Variants in ATP2A3 observed in about 807,000 individuals in gnomAD.
ATP2A3 encodes ATPase sarcoplasmic/endoplasmic reticulum Ca2+ transporting 3.
In ATP2A3, 61 loss-of-function variants were observed where a neutral mutation model predicts 106.8. That is an observed-to-expected ratio of 0.57 (90% CI 0.46 to 0.71). The LOEUF (loss-of-function observed/expected upper bound fraction) is 0.71, where lower values mean the gene tolerates loss of function less well. ATP2A3 is among the 30% of genes least tolerant of loss of function. The pLI, the probability that ATP2A3 is intolerant of heterozygous loss-of-function variation, is 0.00. For missense variants in ATP2A3, 1,201 were observed against 1,423.5 expected (o/e 0.84, Z 2.52); for synonymous variants, 611 against 609.3 (o/e 1.00, Z -0.04).
chr17:3,937,799 G>C (rs1192070648), intron 14 of ATP2A3, among the ~76,000 whole-genome samples, 163 bp from the exon 15 acceptor site: 1 of 152,208 alleles, frequency 6.6e-6, no homozygotes, highest in East Asian at 1.9e-4. Flanking sequence ...ATTGGGCAGA[G>C]GATGAGGCTG....
chr17:3,951,923 C>T lies in ATP2A3; in HGVS notation c.220-238G>A, dbSNP rs183355519. ...GCTGTGGGGCAGTTGGATGGCTGCC[C>T]ACCGAGGCCTTACTGTCTGCCTGGA... On this transcript the variant is annotated intron_variant, in intron 3 of 20. Transcript: ENST00000397041. Among the ~76,000 whole-genome samples the T allele has an allele frequency of 5.9e-5, 9 of 152,284 alleles. No individual in the cohort carries two copies. The East Asian group carries it at 1.7e-3, about 29-fold the overall frequency.
chr17:3,944,991 C>A lies in ATP2A3; in HGVS notation c.1184+69G>T, dbSNP rs893495685. The A allele has an allele frequency of 3.0e-6, 4 of 1,351,058 alleles. No individual in the cohort carries two copies. The African/African-American group carries it at 4.8e-5, about 16-fold the overall frequency. 83.7% of individuals were successfully genotyped at this position (1,351,058 alleles called of 1,614,324 possible). ...CGCCCCCAGGGGCCTCCCACGGCCA[C>A]CTCGGCGCCGCCACGCGTGGCCCCG... is the stretch of plus-strand genomic sequence containing the variant. On this transcript the variant is annotated intron_variant, in intron 9 of 20. Transcript: ENST00000397041.
chr17:3,937,236 TG>T, intron 15 of ATP2A3, 179 bp downstream of exon 15: 1 of 734,874 alleles, frequency 1.4e-6, no homozygotes. Context: ...CCAGGGCCTC[TG>T]GAGAATGACA....
At chr17:3,954,408 C>T (rs2054637288) in intron 1 of ATP2A3, among the ~76,000 whole-genome samples, 1 of 151,856 alleles carries the variant, frequency 6.6e-6, no homozygotes, top group South Asian at 2.1e-4. Context: ...CCCCCCAGCC[C>T]CGCCCCACAT....
Position 3,929,192 on chromosome 17 carries a change from G to A in ATP2A3, c.2862+136C>T, listed in dbSNP as rs932456267. ...CCTGAAGGTGGGGCCACAGCTGGAG[G>A]TGGTGGCTGGCCAGACCTCTCACCT... On this transcript the variant is annotated intron_variant, in intron 19 of 20. Coordinates refer to ENST00000397041, the MANE Select transcript of ATP2A3 (RefSeq NM_005173.4). This position sits in a 1 kb window ranked among gnomAD's most constrained non-coding sequence, Gnocchi z 4.3. 1.0e-5 allele frequency: 8 copies of A among 788,280 alleles called. No homozygotes were observed. In the African/African-American group the frequency reaches 1.2e-4, roughly 12 times the overall value. The allele number at this position is 788,280 out of a possible 1,614,324, so 48.8% of individuals were successfully genotyped here.
At chr17:3,962,871 G>A (rs761344050) in intron 1 of ATP2A3, among the ~76,000 whole-genome samples, 2 of 152,138 alleles carry the variant, frequency 1.3e-5, no homozygotes, top group South Asian at 4.1e-4. Flanking sequence ...ACCTGCCTGC[G>A]CCGGCCCTCG....
chr17:3,934,793 G>A (rs147497440), intron 17 of ATP2A3: 1 of 220,416 alleles, frequency 4.5e-6, no homozygotes, highest in African/African-American at 2.3e-5. Context: ...AAAGTGCTGG[G>A]ATTACAGGCG....
In ATP2A3 at chr17:3,929,199, C is replaced by T. The variant is rs1480526118; in HGVS notation, c.2862+129G>A. The T allele has an allele frequency of 4.7e-6, 4 of 858,626 alleles. No homozygotes were observed. The African/African-American group carries it at 5.1e-5, about 11-fold the overall frequency. The allele number at this position is 858,626 out of a possible 1,614,324, so 53.2% of individuals were successfully genotyped here. On this transcript the variant is annotated intron_variant, in intron 19 of 20. Coordinates refer to ENST00000397041, the MANE Select transcript of ATP2A3 (RefSeq NM_005173.4). This position sits in a 1 kb window ranked among gnomAD's most constrained non-coding sequence, Gnocchi z 4.3. ...GTGGGGCCACAGCTGGAGGTGGTGGCTGGCCAGACCTCTCACCTCCCTCTC... is the reference window on the plus strand; with the variant it reads ...GTGGGGCCACAGCTGGAGGTGGTGGTTGGCCAGACCTCTCACCTCCCTCTC...
chr17:3,951,351 C>A lies in ATP2A3; in HGVS notation c.363G>T (p.Glu121Asp). The A allele has an allele frequency of 6.2e-7, 1 of 1,613,824 alleles. No individual in the cohort carries two copies. The highest frequency in any genetic ancestry group is 8.5e-7 in the Non-Finnish European group (1 of 1,180,018). ...NAESAIEALK[E>D]YEPEMGKVIR... Reference sequence around the variant, plus strand: ...TCACCTTGCCCATCTCAGGCTCATACTCCTTCAGGGCCTCGATGGCACTCT... The same window carrying A: ...TCACCTTGCCCATCTCAGGCTCATAATCCTTCAGGGCCTCGATGGCACTCT... Residue 121 changes from glutamate (E) to aspartate (D), a missense_variant, in exon 5 of 21, where the codon GAG becomes GAT. Physicochemically the swap from Glu to Asp is conservative, Grantham distance 45. Transcript: ENST00000397041.
At chr17:3,934,733 G>A (rs771706983) in intron 17 of ATP2A3, among the ~76,000 whole-genome samples, 5 of 151,308 alleles carry the variant, frequency 3.3e-5, no homozygotes, top group Admixed American at 6.6e-5. Flanking sequence ...CTCGTTGGAC[G>A]GCTGGTCTCG....
Position 3,928,752 on chromosome 17 carries a change from C to T in ATP2A3, c.2891G>A (p.Gly964Glu). ...CTGGAGCACCACCACCCACTGGCGC[C>T]CGCTCAGTGGGGTCACCTGGAAAAT... Reference protein sequence around the residue: ...PLIFQVTPLSGRQWVVVLQIS... With the variant: ...PLIFQVTPLSERQWVVVLQIS... The change falls in exon 20 of 21, where the codon GGG becomes GAG. Residue 964 changes from glycine (G) to glutamate (E), a missense_variant. Gly to Glu is a moderately conservative substitution (Grantham distance 98). Coordinates refer to ENST00000397041, the MANE Select transcript of ATP2A3 (RefSeq NM_005173.4). This position sits in a 1 kb window ranked among gnomAD's most constrained non-coding sequence, Gnocchi z 6.1. 6.4e-7 allele frequency: 1 copy of T among 1,553,314 alleles called. No homozygotes were observed. The highest frequency in any genetic ancestry group is 1.2e-5 in the South Asian group (1 of 84,198).
At chr17:3,958,027 C>T (rs1400527083) in intron 1 of ATP2A3, among the ~76,000 whole-genome samples, 1 of 152,200 alleles carries the variant, frequency 6.6e-6, no homozygotes, top group Non-Finnish European at 1.5e-5. Flanking sequence ...TGGGAGTCAG[C>T]CTGCAGTCCT....
intron 10 of ATP2A3, 105 bp downstream of exon 10, chr17:3,944,599 T>A: frequency 8.2e-7 from 1 of 1,214,220 alleles, no homozygotes; most frequent in Non-Finnish European, 1.2e-6. Context: ...GGTGTGGCAC[T>A]TCCAGGGAGC....
At chr17:3,931,769 C>T (rs1287490551) in intron 17 of ATP2A3, among the ~76,000 whole-genome samples, 1 of 152,208 alleles carries the variant, frequency 6.6e-6, no homozygotes, top group Non-Finnish European at 1.5e-5. Context: ...GATCCGCCCG[C>T]CTTGGCCTCC....
rs936582941 is a variant in ATP2A3, at chr17:3,953,816, G to T, written c.119-106C>A. The T allele has an allele frequency of 1.9e-5, 24 of 1,241,678 alleles. No homozygotes were observed. The African/African-American group carries it at 3.6e-4, about 19-fold the overall frequency. The allele number at this position is 1,241,678 out of a possible 1,614,324, so 76.9% of individuals were successfully genotyped here. ...AGTGCCTCCCCACCGTGCCCGCCCA[G>T]ACCCCCACCACGGACTGGATGTATC... On this transcript the variant is annotated intron_variant, in intron 1 of 20. Transcript: ENST00000397041. The surrounding 1 kb of genome is among the most constrained non-coding windows in gnomAD (Gnocchi z 5.1).
At chr17:3,958,851 TA>T (rs2054967693) in intron 1 of ATP2A3, among the ~76,000 whole-genome samples, 1 of 94,680 alleles carries the variant, frequency 1.1e-5, no homozygotes, top group Non-Finnish European at 2.0e-5. Context: ...CATATATAAA[TA>T]TATATATATA....
At position 3,930,831 on chromosome 17, in the gene ATP2A3, C is replaced by A; in HGVS notation, c.2611-397G>T. The A allele has an allele frequency of 2.8e-6, 1 of 352,978 alleles. No homozygotes were observed. Among genetic ancestry groups the A allele is most frequent in the South Asian group, 2.2e-5 (1 of 44,972 alleles). The allele number at this position is 352,978 out of a possible 1,614,324, so 21.9% of individuals were successfully genotyped here. ...TGCGGTATAGAAGATGAAGGCTACG[C>A]AGGCCCTGTTCACTGTTATTAAGAT... is the stretch of plus-strand genomic sequence containing the variant. On this transcript the variant is annotated intron_variant, in intron 17 of 20. Coordinates refer to ENST00000397041, the MANE Select transcript of ATP2A3 (RefSeq NM_005173.4). The surrounding 1 kb of genome is among the most constrained non-coding windows in gnomAD (Gnocchi z 5.4).
At chr17:3,935,663 G>A (rs915083342) in intron 16 of ATP2A3, among the ~76,000 whole-genome samples, 3 of 150,616 alleles carry the variant, frequency 2.0e-5, no homozygotes, top group African/African-American at 4.9e-5. Context: ...TCAGTCTCCC[G>A]AGTAGGTGGG....
chr17:3,959,800 G>C (rs1307476802), intron 1 of ATP2A3, among the ~76,000 whole-genome samples: 1 of 152,250 alleles, frequency 6.6e-6, no homozygotes, highest in African/African-American at 2.4e-5. Context: ...AGCCACTGCG[G>C]GGCCTTGGAA....
Sources: gnomAD v4.1 joint callset for allele counts (sites outside exome capture counted in the v4.1 genomes callset) on GRCh38, gnomAD v4.1.1 for gene constraint, Gnocchi (gnomAD v3.1) non-coding constraint, MANE v1.5 for transcripts, NCBI Gene and HGNC (gene_info 2026-07-23, HGNC 2026-07-21) for gene names.